SPATS2L: variants seen among roughly 807,000 people sequenced by gnomAD.
SPATS2L encodes the protein SPATS2-like protein.
A neutral mutation model predicts 59.6 loss-of-function variants in SPATS2L; 30 were observed. The observed-to-expected ratio is 0.50, with a 90% CI of 0.38 to 0.68. SPATS2L has a LOEUF of 0.68. SPATS2L is among the 30% of genes least tolerant of loss of function. The pLI is 0.00. For missense variants in SPATS2L, 615 were observed against 700.0 expected, an observed-to-expected ratio of 0.88 and a Z score of 1.37; for synonymous variants, 252 against 263.5, an observed-to-expected ratio of 0.96 and a Z score of 0.42.
intron 2 of SPATS2L, among the ~76,000 whole-genome samples, chr2:200,356,344 T>C (rs1413035510): frequency 6.6e-6 from 1 of 152,148 alleles, no homozygotes; most frequent in African/African-American, 2.4e-5. Flanking sequence ...TCACTGGCAA[T>C]GAACATACAA....
chr2:200,315,856 C>CAAAAAAAAAAA (rs374718905), intron 1 of SPATS2L, among the ~76,000 whole-genome samples: 1 of 90,924 alleles, frequency 1.1e-5, no homozygotes, highest in Non-Finnish European at 2.0e-5. Context: ...ACCAAAAATC[C>CAAAAAAAAAAA]AAAAAAAAAA....
chr2:200,374,120 A>C (rs2081521422), intron 2 of SPATS2L, among the ~76,000 whole-genome samples: 1 of 152,182 alleles, frequency 6.6e-6, no homozygotes, highest in African/African-American at 2.4e-5. Flanking sequence ...TCCCTGCAGG[A>C]GCCAATCTTA....
chr2:200,439,551 C>G (rs1173302949), intron 7 of SPATS2L, among the ~76,000 whole-genome samples: 1 of 152,142 alleles, frequency 6.6e-6, no homozygotes, highest in Non-Finnish European at 1.5e-5. Flanking sequence ...TTTCTCTGCC[C>G]CTCTGAGACC....
chr2:200,471,977 A>T (rs1358098656), intron 11 of SPATS2L, among the ~76,000 whole-genome samples: 2 of 152,216 alleles, frequency 1.3e-5, no homozygotes, highest in African/African-American at 4.8e-5. Context: ...CCTTGAATTG[A>T]TTCCCTCCAG....
In SPATS2L at chr2:200,472,397, T is replaced by C. The variant is rs556882490; in HGVS notation, c.1061-435T>C. The stretch of plus-strand genomic sequence containing the variant: ...CCGCATAGCTCCCAATCTTTCTGTG[T>C]CTGCAGTACCAGTTGGTCCAGGGAA... On this transcript the variant is annotated intron_variant, in intron 11 of 12. Transcript: ENST00000409140. 2.6e-5 allele frequency among the ~76,000 whole-genome samples: 4 copies of C among 152,298 alleles called. No homozygotes were observed. The South Asian group carries it at 8.3e-4, about 32-fold the overall frequency.
At chr2:200,456,434 A>T (rs1420673779) in intron 8 of SPATS2L, among the ~76,000 whole-genome samples, 9 of 152,126 alleles carry the variant, frequency 5.9e-5, no homozygotes, top group Admixed American at 5.9e-4. Context: ...TATTGTGTAA[A>T]CCCTCTTCCC....
At chr2:200,403,848 C>T (rs535167505) in intron 3 of SPATS2L, among the ~76,000 whole-genome samples, 1 of 152,326 alleles carries the variant, frequency 6.6e-6, no homozygotes, top group South Asian at 2.1e-4. Flanking sequence ...AAGGTCATTT[C>T]CTATCTCATT....
At chr2:200,318,548 T>A (rs2079455233) in intron 1 of SPATS2L, among the ~76,000 whole-genome samples, 1 of 152,218 alleles carries the variant, frequency 6.6e-6, no homozygotes, top group Non-Finnish European at 1.5e-5. Flanking sequence ...CTGTTTCGGT[T>A]GCAGTGGATG....
chr2:200,456,531 A>G (rs2085845405), intron 8 of SPATS2L, among the ~76,000 whole-genome samples: 1 of 152,232 alleles, frequency 6.6e-6, no homozygotes, highest in Non-Finnish European at 1.5e-5. Flanking sequence ...GGGGACAAGT[A>G]TTGTACCCCA....
At chr2:200,411,397 A>G (rs2082873720) in intron 3 of SPATS2L, among the ~76,000 whole-genome samples, 1 of 152,208 alleles carries the variant, frequency 6.6e-6, no homozygotes, top group Admixed American at 6.5e-5. Context: ...AAACCCACTG[A>G]TCATAATTTA....
intron 2 of SPATS2L, among the ~76,000 whole-genome samples, chr2:200,331,558 G>A (rs933296181): frequency 3.9e-5 from 6 of 152,218 alleles, no homozygotes; most frequent in Non-Finnish European, 1.5e-5. Context: ...GTAGTGTAGG[G>A]AATATAGACC....
intron 6 of SPATS2L, among the ~76,000 whole-genome samples, chr2:200,432,937 T>G (rs544799314): frequency 1.3e-5 from 2 of 152,200 alleles, no homozygotes; most frequent in Admixed American, 1.3e-4. Flanking sequence ...CCTCAGTGAC[T>G]TAAGGAACAG....
intron 6 of SPATS2L, among the ~76,000 whole-genome samples, chr2:200,432,441 G>A (rs1470798060): frequency 7.4e-6 from 1 of 135,944 alleles, no homozygotes; most frequent in Non-Finnish European, 1.7e-5. Flanking sequence ...TCTTTTAGCT[G>A]CCTAACATTT....
At chr2:200,317,561 A>G (rs752906840) in intron 1 of SPATS2L, among the ~76,000 whole-genome samples, 2 of 152,110 alleles carry the variant, frequency 1.3e-5, no homozygotes, top group Non-Finnish European at 2.9e-5. Context: ...AGGGGCCCAG[A>G]TTTTACCCAG....
chr2:200,321,081 A>G (rs2079546440), intron 1 of SPATS2L, among the ~76,000 whole-genome samples: 1 of 152,222 alleles, frequency 6.6e-6, no homozygotes, highest in Non-Finnish European at 1.5e-5. Context: ...AAGTCAGCTC[A>G]AATTCCACCT....
intron 2 of SPATS2L, among the ~76,000 whole-genome samples, chr2:200,355,897 G>T (rs1559063292): frequency 6.6e-6 from 1 of 152,158 alleles, no homozygotes; most frequent in Non-Finnish European, 1.5e-5. Flanking sequence ...AAAGAAGGTT[G>T]TTTCCTTATT....
chr2:200,440,902 A>C (rs949012909), intron 8 of SPATS2L, 118 bp downstream of exon 8: 22 of 1,195,358 alleles, frequency 1.8e-5, no homozygotes, highest in African/African-American at 4.6e-5. Flanking sequence ...ATAACTCTCC[A>C]GCAAATTTTG....
At chr2:200,469,306 A>G (rs1574717639) in intron 10 of SPATS2L, among the ~76,000 whole-genome samples, 1 of 152,300 alleles carries the variant, frequency 6.6e-6, no homozygotes, top group East Asian at 1.9e-4. Context: ...TGCCATTGCT[A>G]AACTCCCTGG....
chr2:200,396,033 A>ATATAAATATATATAT (rs1172186726), intron 3 of SPATS2L, among the ~76,000 whole-genome samples: 17 of 21,128 alleles, frequency 8.0e-4, no homozygotes, highest in African/African-American at 2.4e-3. Context: ...AAAAAAAAAA[A>ATATAAATATATATAT]ATATATATAT....
Sources: gnomAD v4.1 joint callset for allele counts (sites outside exome capture counted in the v4.1 genomes callset) on GRCh38, gnomAD v4.1.1 for gene constraint, MANE v1.5 for transcripts, NCBI Gene and HGNC (gene_info 2026-07-23, HGNC 2026-07-21) for gene names.